RAP1GDS1: variants seen among roughly 807,000 people sequenced by gnomAD.
The protein encoded by RAP1GDS1 is Rap1 GTPase-GDP dissociation stimulator 1.
RAP1GDS1 carries 35 observed loss-of-function variants against 71.1 expected under a neutral mutation model. The observed-to-expected ratio is 0.49, with a 90% CI of 0.38 to 0.65. The LOEUF is 0.65. Ranked by LOEUF, RAP1GDS1 falls within the 30% of genes least tolerant of loss-of-function variation. The pLI, the probability that RAP1GDS1 is intolerant of heterozygous loss-of-function variation, is 0.00. For missense variants in RAP1GDS1, 663 were observed against 706.1 expected, an observed-to-expected ratio of 0.94 and a Z score of 0.69; for synonymous variants, 229 against 243.1, an observed-to-expected ratio of 0.94 and a Z score of 0.54.
intron 6 of RAP1GDS1, among the ~76,000 whole-genome samples, chr4:98,400,809 A>G (rs1444039953): frequency 4.6e-5 from 7 of 152,172 alleles, no homozygotes; most frequent in Non-Finnish European, 1.0e-4. Flanking sequence ...GTAACACCAC[A>G]GTGTACCCCA....
Position 98,261,399 on chromosome 4 carries a change from G to T in RAP1GDS1, c.-167G>T. The T allele has an allele frequency of 5.4e-6, 1 of 186,828 alleles. No homozygotes were observed. The highest frequency in any genetic ancestry group is 9.2e-6 in the Non-Finnish European group (1 of 108,332). 11.6% of individuals were successfully genotyped at this position (186,828 alleles called of 1,614,324 possible). The stretch of plus-strand genomic sequence containing the variant: ...GCCCCCCGCCGCTCGTCCCCGCCGC[G>T]GCCGCGCCGCCTGCAGCAGCACCAG... On this transcript the variant is annotated 5_prime_UTR_variant, in exon 1 of 15. Coordinates refer to ENST00000408927, the MANE Select transcript of RAP1GDS1 (RefSeq NM_001100427.2).
intron 7 of RAP1GDS1, among the ~76,000 whole-genome samples, chr4:98,411,395 T>G (rs1356807352): frequency 6.6e-6 from 1 of 152,152 alleles, no homozygotes; most frequent in Non-Finnish European, 1.5e-5. Context: ...GCAGAAGGAT[T>G]GCTTGAGCCA....
intron 12 of RAP1GDS1, among the ~76,000 whole-genome samples, chr4:98,431,981 G>T (rs1170320682): frequency 6.6e-6 from 1 of 151,926 alleles, no homozygotes; most frequent in Non-Finnish European, 1.5e-5. Context: ...TGTGCACAAC[G>T]TGCAGATTTG....
chr4:98,400,472 A>G (rs1288065676), intron 6 of RAP1GDS1, among the ~76,000 whole-genome samples: 2 of 151,630 alleles, frequency 1.3e-5, no homozygotes, highest in African/African-American at 4.9e-5. Context: ...AGGAATAGAA[A>G]GTTAAACACT....
intron 7 of RAP1GDS1, among the ~76,000 whole-genome samples, chr4:98,413,881 G>T (rs1432047568): frequency 6.6e-6 from 1 of 151,454 alleles, no homozygotes; most frequent in Admixed American, 6.6e-5. Flanking sequence ...TCCAGCACCT[G>T]TTGTTTCCTG....
In RAP1GDS1 at chr4:98,313,936, G is replaced by A. The variant is rs1399628713; in HGVS notation, c.112+20421G>A. On this transcript the variant is annotated intron_variant, in intron 2 of 14. Transcript: ENST00000408927. ...GAGGCTCCAAAAGGCAGAGAAATTGGGTCGTTGTTTTGTTTCTTAAAGAGA... is the reference window on the plus strand; with the variant it reads ...GAGGCTCCAAAAGGCAGAGAAATTGAGTCGTTGTTTTGTTTCTTAAAGAGA... Among the ~76,000 whole-genome samples the A allele has an allele frequency of 2.6e-5, 4 of 152,164 alleles. No homozygotes were observed. In the South Asian group the frequency reaches 8.3e-4, roughly 32 times the overall value.
intron 3 of RAP1GDS1, among the ~76,000 whole-genome samples, chr4:98,345,445 C>T (rs927312200): frequency 5.3e-5 from 8 of 152,020 alleles, no homozygotes; most frequent in South Asian, 2.1e-4. Flanking sequence ...GTTCCGTGGG[C>T]GAGTTTAATG....
intron 1 of RAP1GDS1, among the ~76,000 whole-genome samples, chr4:98,287,996 CT>C (rs1726293606): frequency 6.6e-6 from 1 of 152,026 alleles, no homozygotes; most frequent in Admixed American, 6.6e-5. Context: ...AATGATTAAA[CT>C]TTAAATACTT....
intron 14 of RAP1GDS1, among the ~76,000 whole-genome samples, chr4:98,437,754 G>C (rs1751340320): frequency 6.7e-6 from 1 of 149,140 alleles, no homozygotes; most frequent in Admixed American, 6.7e-5. Flanking sequence ...TTGTGCCACT[G>C]TACTTCCAGA....
intron 2 of RAP1GDS1, among the ~76,000 whole-genome samples, chr4:98,300,692 T>G (rs1261534127): frequency 6.6e-6 from 1 of 152,112 alleles, no homozygotes; most frequent in Non-Finnish European, 1.5e-5. Flanking sequence ...TGAGCCACCG[T>G]GCCCAGCCTG....
intron 4 of RAP1GDS1, among the ~76,000 whole-genome samples, chr4:98,373,952 A>C (rs1240079271): frequency 1.3e-5 from 2 of 152,202 alleles, no homozygotes; most frequent in African/African-American, 4.8e-5. Flanking sequence ...CCGGGCAAAG[A>C]GGGAGTTCAT....
intron 14 of RAP1GDS1, 25 bp downstream of exon 14, chr4:98,437,093 G>C (rs1215405550): frequency 5.8e-6 from 9 of 1,559,458 alleles, no homozygotes; most frequent in Non-Finnish European, 7.8e-6. Flanking sequence ...ATCATTTGAT[G>C]TCCATAAACA....
intron 1 of RAP1GDS1, among the ~76,000 whole-genome samples, chr4:98,280,842 C>T (rs1302673739): frequency 6.6e-6 from 1 of 152,178 alleles, no homozygotes. Flanking sequence ...AGCCAGTTTT[C>T]CCAGCACCGT....
intron 14 of RAP1GDS1, chr4:98,441,487 A>G (rs1751863056): frequency 1.2e-5 from 12 of 985,214 alleles, no homozygotes; most frequent in Non-Finnish European, 1.4e-5. Context: ...TTCATATTTG[A>G]ACTGGTGATA....
intron 14 of RAP1GDS1, among the ~76,000 whole-genome samples, chr4:98,437,902 C>A (rs922028444): frequency 6.6e-6 from 1 of 151,754 alleles, no homozygotes; most frequent in Non-Finnish European, 1.5e-5. Context: ...GTGTATTATG[C>A]AGTTATTGGG....
In RAP1GDS1 at chr4:98,391,955, C is replaced by A. The variant is rs768706040; in HGVS notation, c.512C>A (p.Ser171Ter). 6.4e-7 allele frequency: 1 copy of A among 1,572,770 alleles called. No homozygotes were observed. Among genetic ancestry groups the A allele is most frequent in the Non-Finnish European group, 8.6e-7 (1 of 1,163,578 alleles). Reference sequence around the variant, plus strand: ...TGTTTTTTTTTTGTTTTTACAGATTCGCTTCAAGCTCAGCTTATCAATATG... The same window carrying A: ...TGTTTTTTTTTTGTTTTTACAGATTAGCTTCAAGCTCAGCTTATCAATATG... ...MLMNYSNEND[S>*]LQAQLINMGV... The change falls in exon 6 of 15, where the codon TCG (serine) becomes TAG (stop). Residue 171 changes from serine to a stop codon, truncating the protein, a stop_gained. Transcript: ENST00000408927. LOFTEE classifies it high-confidence loss of function.
rs200908876 is a variant in RAP1GDS1 at position 98,391,975 on chromosome 4, A to C, written c.532A>C (p.Asn178His). 22 of 1,606,474 alleles carry C rather than the reference A, an allele frequency of 1.4e-5. No homozygotes were observed. The highest frequency in any genetic ancestry group is 1.9e-5 in the Non-Finnish European group (22 of 1,176,662). ...ENDSLQAQLI[N>H]MGVIPTLVKL... Reference sequence around the variant, plus strand: ...AGATTCGCTTCAAGCTCAGCTTATCAATATGGGTGTTATTCCTACCTTAGT... The same window carrying C: ...AGATTCGCTTCAAGCTCAGCTTATCCATATGGGTGTTATTCCTACCTTAGT... The change falls in exon 6 of 15, where the codon AAT becomes CAT. Residue 178 changes from asparagine to histidine, a missense_variant. Asn to His is a moderately conservative substitution (Grantham distance 68, BLOSUM62 1). Transcript: ENST00000408927.
intron 13 of RAP1GDS1, 60 bp from the exon 14 acceptor site, chr4:98,436,880 A>G (rs960997329): frequency 4.5e-5 from 64 of 1,409,718 alleles, no homozygotes; most frequent in Middle Eastern, 1.9e-4. Flanking sequence ...AAAATGAAGC[A>G]GTGTTTATCC....
chr4:98,282,936 G>A (rs1229529749), intron 1 of RAP1GDS1, among the ~76,000 whole-genome samples: 1 of 152,080 alleles, frequency 6.6e-6, no homozygotes, highest in Non-Finnish European at 1.5e-5. Context: ...GGTTTTGAGT[G>A]AGTTTCTTAA....
Sources: gnomAD v4.1 joint callset for allele counts (sites outside exome capture counted in the v4.1 genomes callset) on GRCh38, gnomAD v4.1.1 for gene constraint, MANE v1.5 for transcripts, NCBI Gene and HGNC (gene_info 2026-07-23, HGNC 2026-07-21) for gene names.